The following RGS3 variants were observed in gnomAD, a reference collection of about 807,000 sequenced individuals.
RGS3 encodes the protein regulator of G protein signaling 3.
A neutral mutation model predicts 132.6 loss-of-function variants in RGS3; 80 were observed. The observed-to-expected ratio is 0.60, with a 90% CI of 0.50 to 0.73. RGS3 has a LOEUF of 0.73. RGS3 is among the 30% of genes least tolerant of loss of function. The pLI is 0.00. For synonymous variants in RGS3, 598 were observed against 620.6 expected, an observed-to-expected ratio of 0.96 and a Z score of 0.54; for missense variants, 1,382 against 1,530.8, an observed-to-expected ratio of 0.90 and a Z score of 1.62.
At chr9:113,517,036 G>T (rs1831706358) in intron 15 of RGS3, among the ~76,000 whole-genome samples, 2 of 152,222 alleles carry the variant, frequency 1.3e-5, no homozygotes, top group African/African-American at 4.8e-5. Flanking sequence ...TGACCCTTGG[G>T]GGATTGCCTG....
intron 19 of RGS3, among the ~76,000 whole-genome samples, chr9:113,541,000 G>T (rs1053363485): frequency 6.6e-6 from 1 of 152,216 alleles, no homozygotes; most frequent in Non-Finnish European, 1.5e-5. Context: ...TTCATCGGGG[G>T]CCTTGTTCAT....
At chr9:113,510,113 A>C (rs1211701885) in intron 14 of RGS3, among the ~76,000 whole-genome samples, 1 of 149,602 alleles carries the variant, frequency 6.7e-6, no homozygotes, top group Non-Finnish European at 1.5e-5. Context: ...CGAAGTCTGC[A>C]AAGTCCATGG....
chr9:113,450,674 A>C (rs1429575268), intron 1 of RGS3, among the ~76,000 whole-genome samples: 1 of 152,118 alleles, frequency 6.6e-6, no homozygotes, highest in African/African-American at 2.4e-5. Flanking sequence ...TCAGAGGGAA[A>C]GAATATTGAG....
intron 22 of RGS3, among the ~76,000 whole-genome samples, 180 bp downstream of exon 20, chr9:113,594,711 C>T (rs1305308530): frequency 6.6e-6 from 1 of 152,004 alleles, no homozygotes; most frequent in Non-Finnish European, 1.5e-5. Flanking sequence ...GGAGCAGCTG[C>T]CCTAGGGGGA....
chr9:113,497,039 T>C (rs1046092968), intron 8 of RGS3, among the ~76,000 whole-genome samples: 2 of 152,200 alleles, frequency 1.3e-5, no homozygotes, highest in Non-Finnish European at 2.9e-5. Context: ...AAAGAGCCTG[T>C]GCACAACTTA....
chr9:113,461,759 C>CCTA (rs767738675), exon 2 of RGS3: 1 of 1,614,222 alleles, frequency 6.2e-7, no homozygotes. Context: ...ATCTCACCGT[C>CCTA]CTGAGTGTTG....
rs74668210 is a variant in RGS3, at chr9:113,452,655, C to A, written c.-12-7590C>A. ...ATTCCAGTTATTATACATATCTATT[C>A]CAGTTAATAATATGTGTCTATTAGG... is the stretch of plus-strand genomic sequence containing the variant. On this transcript the variant is annotated intron_variant, in intron 1 of 25. Transcript: ENST00000374140. Among the ~76,000 whole-genome samples, 249 of 151,536 alleles carry A rather than the reference C, an allele frequency of 1.6e-3. 2 individuals carry two copies. Among genetic ancestry groups the A allele is most frequent in the African/African-American group, 5.5e-3 (229 of 41,368 alleles).
chr9:113,454,325 T>C (rs1002053204), intron 1 of RGS3, among the ~76,000 whole-genome samples: 1 of 152,108 alleles, frequency 6.6e-6, no homozygotes, highest in African/African-American at 2.4e-5. Flanking sequence ...AACAGTTTGA[T>C]CCTAGCTGGG....
exon 25 of RGS3, chr9:113,597,167 G>A (rs983113795): frequency 2.0e-5 from 10 of 501,130 alleles, no homozygotes; most frequent in East Asian, 1.0e-4. Flanking sequence ...CCACTGCCCC[G>A]GTACGAGGGG....
At chr9:113,590,725 T>A (rs1374391229) in intron 20 of RGS3, among the ~76,000 whole-genome samples, 2 of 151,952 alleles carry the variant, frequency 1.3e-5, no homozygotes, top group Non-Finnish European at 2.9e-5. Context: ...GCTGGAGAGA[T>A]AACTGAAGGA....
intron 1 of RGS3, among the ~76,000 whole-genome samples, chr9:113,446,140 G>C (rs567231881): frequency 6.6e-6 from 1 of 152,276 alleles, no homozygotes; most frequent in South Asian, 2.1e-4. Context: ...GAAATGATTA[G>C]AAGGTCCTTC....
At chr9:113,574,124 A>T (rs1001472589) in intron 19 of RGS3, among the ~76,000 whole-genome samples, 1 of 151,700 alleles carries the variant, frequency 6.6e-6, no homozygotes, top group African/African-American at 2.4e-5. Context: ...TCAGTTAATG[A>T]TCTCTCTCTC....
rs553594974 is a variant in RGS3, at chr9:113,589,486, C to T, written c.3016-1847C>T. On this transcript the variant is annotated intron_variant, in intron 20 of 24. Transcript: ENST00000350696. ...CCTGCTGAAGACACTCTCCTCCCCACAGTGGAAGGAAGAGCCCATTTCCCA... is the reference window on the plus strand; with the variant it reads ...CCTGCTGAAGACACTCTCCTCCCCATAGTGGAAGGAAGAGCCCATTTCCCA... Among the ~76,000 whole-genome samples, 15 of 152,362 alleles carry T rather than the reference C, an allele frequency of 9.8e-5. No individual in the cohort carries two copies. In the East Asian group the frequency reaches 2.9e-3, roughly 29 times the overall value.
intron 16 of RGS3, among the ~76,000 whole-genome samples, chr9:113,518,769 C>T (rs886117340): frequency 2.0e-5 from 3 of 152,078 alleles, no homozygotes; most frequent in African/African-American, 7.2e-5. Context: ...ACAATCTTTG[C>T]ATATCTTCTG....
chr9:113,454,362 C>T (rs1176446544), intron 1 of RGS3, among the ~76,000 whole-genome samples: 1 of 152,076 alleles, frequency 6.6e-6, no homozygotes, highest in South Asian at 2.1e-4. Context: ...AATCCCAGCA[C>T]TTTGGGAGGC....
At chr9:113,550,939 C>A (rs1015408470) in intron 19 of RGS3, among the ~76,000 whole-genome samples, 6 of 151,990 alleles carry the variant, frequency 3.9e-5, no homozygotes, top group African/African-American at 9.7e-5. Context: ...TTAGTCATAT[C>A]TATCATTTGT....
At chr9:113,590,508 TCATC>T (rs909030707) in intron 20 of RGS3, among the ~76,000 whole-genome samples, 2 of 148,336 alleles carry the variant, frequency 1.3e-5, no homozygotes, top group Admixed American at 6.7e-5. Flanking sequence ...ACCCATATAT[TCATC>T]CATCCATCCA....
At chr9:113,477,097 G>T (rs1183663325) in intron 3 of RGS3, among the ~76,000 whole-genome samples, 1 of 152,096 alleles carries the variant, frequency 6.6e-6, no homozygotes, top group Non-Finnish European at 1.5e-5. Flanking sequence ...GCTCTAGGAA[G>T]CCACAATGAA....
chr9:113,461,177 G>A (rs1476510693), intron 1 of RGS3, among the ~76,000 whole-genome samples: 4 of 152,130 alleles, frequency 2.6e-5, no homozygotes, highest in Non-Finnish European at 5.9e-5. Context: ...TGTGCAGAGT[G>A]TATGATTGTT....
Sources: allele counts gnomAD v4.1 joint callset (sites outside exome capture counted in the v4.1 genomes callset), GRCh38; gene constraint gnomAD v4.1.1; transcripts MANE v1.5; gene names NCBI Gene and HGNC (gene_info 2026-07-23, HGNC 2026-07-21).